Variants in IPO8 observed in about 807,000 individuals in gnomAD.
IPO8 encodes the protein importin-8.
Under a neutral mutation model 141.2 loss-of-function variants are expected in IPO8, and 65 were observed. The observed-to-expected ratio is 0.46, with a 90% CI of 0.38 to 0.57. The LOEUF is 0.57. Among genes scored for constraint, IPO8 ranks in the 20% least tolerant of loss-of-function variants. IPO8 has a pLI of 0.00. For missense variants in IPO8, 980 were observed against 1,246.8 expected (o/e 0.79, Z 3.22); for synonymous variants, 411 against 420.3 (o/e 0.98, Z 0.27).
chr12:30,667,176 A>G (rs1797558880), intron 10 of IPO8, among the ~76,000 whole-genome samples: 1 of 152,224 alleles, frequency 6.6e-6, no homozygotes, highest in Non-Finnish European at 1.5e-5. Context: ...GCAGTATGCT[A>G]CAGTTTTAGA....
chr12:30,636,195 A>G (rs2052498211), intron 22 of IPO8, among the ~76,000 whole-genome samples: 1 of 152,138 alleles, frequency 6.6e-6, no homozygotes, highest in Non-Finnish European at 1.5e-5. Flanking sequence ...GCCAGTTAAA[A>G]GTGTTTTAAA....
Position 30,669,257 on chromosome 12 carries a change from G to GA in IPO8, c.1069dup (p.Ser357PhefsTer6), listed in dbSNP as rs1438426784. 11 of 1,510,940 alleles carry GA rather than the reference G, an allele frequency of 7.3e-6. No individual in the cohort carries two copies. The highest frequency in any genetic ancestry group is 2.9e-5 in the African/African-American group (2 of 67,988). 93.6% of individuals were successfully genotyped at this position (1,510,940 alleles called of 1,614,324 possible). The stretch of plus-strand genomic sequence containing the variant: ...ATCCTCATCTTTATAACACATCACA[G>GA]AAAAAATCACATCTTCAGAGATATT... On this transcript the variant is annotated frameshift_variant, in exon 10 of 25. Coordinates refer to ENST00000256079, the MANE Select transcript of IPO8 (RefSeq NM_006390.4). LOFTEE classifies it high-confidence loss of function.
Position 30,695,234 on chromosome 12 carries a change from A to T in IPO8, c.84+330T>A. On this transcript the variant is annotated intron_variant, in intron 1 of 24. Transcript: ENST00000256079. The surrounding 1 kb of genome is among the most constrained non-coding windows in gnomAD (Gnocchi z 4.2). ...CCTGCTCCCCAAGTCCGCGCACTTA[A>T]GGAAAATAAATCACACCCTGAAAAC... is the stretch of plus-strand genomic sequence containing the variant. The T allele has an allele frequency of 2.1e-6, 1 of 468,316 alleles. No homozygotes were observed. The highest frequency in any genetic ancestry group is 3.9e-6 in the Non-Finnish European group (1 of 254,010). 29.0% of individuals were successfully genotyped at this position (468,316 alleles called of 1,614,324 possible). A position where few individuals can be genotyped will look rare whatever the true frequency, so the allele number is the denominator to read the frequency against.
chr12:30,633,440 C>T (rs1478097324), intron 23 of IPO8, among the ~76,000 whole-genome samples: 1 of 151,906 alleles, frequency 6.6e-6, no homozygotes, highest in African/African-American at 2.4e-5. Flanking sequence ...TCTAAATATC[C>T]TCATTGGCTT....
At chr12:30,661,345 G>A in intron 15 of IPO8, 79 bp from the exon 16 acceptor site, 1 of 1,338,116 alleles carries the variant, frequency 7.5e-7, no homozygotes. Context: ...CAAAATGGCA[G>A]TGTCACACAT....
intron 22 of IPO8, among the ~76,000 whole-genome samples, chr12:30,635,646 C>A (rs2052491274): frequency 6.6e-6 from 1 of 151,910 alleles, no homozygotes; most frequent in Admixed American, 6.6e-5. Flanking sequence ...AGAGAGAAAT[C>A]CTGGAGTAAA....
chr12:30,694,934 T>C (rs2053323064), intron 1 of IPO8: 2 of 454,796 alleles, frequency 4.4e-6, no homozygotes, highest in Non-Finnish European at 8.8e-6. Context: ...AAAGAAGTCT[T>C]ACACATTTTA....
chr12:30,634,873 CTG>C (rs1431563162), intron 22 of IPO8, among the ~76,000 whole-genome samples: 5 of 152,108 alleles, frequency 3.3e-5, no homozygotes, highest in Admixed American at 2.6e-4. Flanking sequence ...GTCAGCAGCC[CTG>C]TGTTCATCGC....
intron 2 of IPO8, among the ~76,000 whole-genome samples, chr12:30,689,423 G>C (rs911636724): frequency 2.6e-5 from 4 of 152,036 alleles, no homozygotes; most frequent in African/African-American, 9.7e-5. Flanking sequence ...TGCCAATTGT[G>C]GTTTCAAAAA....
At chr12:30,658,862 G>A (rs1591831665) in intron 16 of IPO8, among the ~76,000 whole-genome samples, 1 of 144,766 alleles carries the variant, frequency 6.9e-6, no homozygotes, top group Non-Finnish European at 1.5e-5. Flanking sequence ...GACTAGTCCA[G>A]AAGAGTATCA....
At chr12:30,632,409 A>C (rs1301693556) in intron 23 of IPO8, among the ~76,000 whole-genome samples, 1 of 152,160 alleles carries the variant, frequency 6.6e-6, no homozygotes, top group Non-Finnish European at 1.5e-5. Context: ...CTCTAGGAAA[A>C]ACCTTCCCCT....
chr12:30,644,204 C>A (rs1297751367), intron 20 of IPO8, among the ~76,000 whole-genome samples: 1 of 151,776 alleles, frequency 6.6e-6, no homozygotes. Context: ...CTCATCTTTA[C>A]AAAAAATTTG....
intron 13 of IPO8, 88 bp from the exon 14 acceptor site, chr12:30,663,742 T>C: frequency 1.0e-6 from 1 of 979,634 alleles, no homozygotes; most frequent in African/African-American, 1.7e-5. Flanking sequence ...CTTAGTAAAA[T>C]ATCAATTCTA....
At chr12:30,632,472 A>G (rs191805092) in intron 23 of IPO8, among the ~76,000 whole-genome samples, 3 of 152,138 alleles carry the variant, frequency 2.0e-5, no homozygotes, top group African/African-American at 7.2e-5. Context: ...CAACACAACT[A>G]AAACCAAATT....
At chr12:30,679,240 A>C (rs1268918026) in intron 5 of IPO8, among the ~76,000 whole-genome samples, 2 of 152,200 alleles carry the variant, frequency 1.3e-5, no homozygotes, top group African/African-American at 4.8e-5. Context: ...CTAAATTTCT[A>C]CTTCCCAGAG....
intron 1 of IPO8, among the ~76,000 whole-genome samples, chr12:30,691,072 A>G (rs1479350033): frequency 1.3e-5 from 2 of 152,196 alleles, no homozygotes; most frequent in Admixed American, 6.5e-5. Context: ...AGAGCTATTT[A>G]TGAATTTAAA....
intron 10 of IPO8, among the ~76,000 whole-genome samples, chr12:30,666,646 C>T (rs545197084): frequency 2.4e-4 from 37 of 152,230 alleles, no homozygotes; most frequent in Admixed American, 9.2e-4. Context: ...GAGCTTATGT[C>T]GTGAAACAAA....
intron 1 of IPO8, among the ~76,000 whole-genome samples, chr12:30,693,089 C>A (rs1381144372): frequency 3.9e-5 from 6 of 152,094 alleles, no homozygotes; most frequent in Non-Finnish European, 1.5e-5. Context: ...AAAAGCTTGG[C>A]AATCAAAGTA....
At chr12:30,682,815 A>G (rs1391608753) in intron 3 of IPO8, among the ~76,000 whole-genome samples, 1 of 152,146 alleles carries the variant, frequency 6.6e-6, no homozygotes, top group African/African-American at 2.4e-5. Flanking sequence ...CCTTTTCTTC[A>G]CGTTATCAAA....
Sources: allele counts gnomAD v4.1 joint callset (sites outside exome capture counted in the v4.1 genomes callset), GRCh38; gene constraint gnomAD v4.1.1; non-coding constraint Gnocchi (gnomAD v3.1); transcripts MANE v1.5; gene names NCBI Gene and HGNC (gene_info 2026-07-23, HGNC 2026-07-21).